CACNA1A: variants seen among roughly 807,000 people sequenced by gnomAD.
The protein encoded by CACNA1A is calcium voltage-gated channel subunit alpha1 A.
Under a neutral mutation model 262.4 loss-of-function variants are expected in CACNA1A, and 57 were observed. That is an observed-to-expected ratio of 0.22 (90% CI 0.18 to 0.27). The LOEUF (loss-of-function observed/expected upper bound fraction) is 0.27, where lower values mean the gene tolerates loss of function less well. Ranked by LOEUF, CACNA1A falls within the 10% of genes least tolerant of loss-of-function variation. The probability of loss-of-function intolerance (pLI) is 1.00; values close to 1 mark genes in which losing one functional copy is unlikely to be tolerated. For synonymous variants in CACNA1A, 1,431 were observed against 1,419.3 expected, an observed-to-expected ratio of 1.01 and a Z score of -0.18; for missense variants, 2,526 against 3,562.8, an observed-to-expected ratio of 0.71 and a Z score of 7.41.
chr19:13,428,569 G>A (rs1029498826), intron 3 of CACNA1A, among the ~76,000 whole-genome samples: 2 of 152,082 alleles, frequency 1.3e-5, no homozygotes, highest in African/African-American at 4.8e-5. Context: ...CATATTACAC[G>A]GATCATCTCC....
intron 4 of CACNA1A, 118 bp downstream of exon 4, chr19:13,371,570 A>T: frequency 1.4e-6 from 1 of 712,178 alleles, no homozygotes; most frequent in Non-Finnish European, 2.4e-6. Flanking sequence ...CAAAGAAGAG[A>T]CTGCCCTCAC....
chr19:13,241,777 C>T lies in CACNA1A; in HGVS notation c.4950+3405G>A, dbSNP rs2056088788. Among the ~76,000 whole-genome samples, 1 of 152,034 alleles carries T rather than the reference C, an allele frequency of 6.6e-6. No individual in the cohort carries two copies. The highest frequency in any genetic ancestry group is 1.5e-5 in the Non-Finnish European group (1 of 68,008). ...TTGATTGGATGAGTTTTTCAGACGG[C>T]GTTGCGCCAATATACAGTTTTAAGA... On this transcript the variant is annotated intron_variant, in intron 31 of 46. Transcript: ENST00000360228. The surrounding 1 kb of genome is among the most constrained non-coding windows in gnomAD (Gnocchi z 4.0).
intron 1 of CACNA1A, among the ~76,000 whole-genome samples, chr19:13,461,315 G>A (rs961857072): frequency 6.6e-6 from 1 of 151,598 alleles, no homozygotes. Context: ...ACTCCAGCCT[G>A]GACAACAGAA....
At chr19:13,304,782 C>T (rs946893032) in intron 15 of CACNA1A, among the ~76,000 whole-genome samples, 3 of 151,898 alleles carry the variant, frequency 2.0e-5, no homozygotes, top group Non-Finnish European at 4.4e-5. Flanking sequence ...TCACCAGGAA[C>T]TAACTAACCC....
At chr19:13,410,887 G>A (rs748084655) in intron 3 of CACNA1A, among the ~76,000 whole-genome samples, 4 of 152,110 alleles carry the variant, frequency 2.6e-5, no homozygotes, top group African/African-American at 7.2e-5. Flanking sequence ...CTCCAATTCA[G>A]TCTTCTCTGC....
chr19:13,493,315 G>A (rs183987255), intron 1 of CACNA1A, among the ~76,000 whole-genome samples: 33 of 152,280 alleles, frequency 2.2e-4, no homozygotes, highest in Non-Finnish European at 2.5e-4. Context: ...CTCAACCTTG[G>A]TATTACTGAC....
intron 1 of CACNA1A, among the ~76,000 whole-genome samples, chr19:13,482,953 A>T (rs1405474155): frequency 7.0e-6 from 1 of 143,786 alleles, no homozygotes; most frequent in Non-Finnish European, 1.5e-5. Context: ...CTCCTTCTCT[A>T]TTTCAGTAAG....
At chr19:13,409,533 A>G (rs2144730994) in intron 3 of CACNA1A, among the ~76,000 whole-genome samples, 1 of 152,162 alleles carries the variant, frequency 6.6e-6, no homozygotes, top group Non-Finnish European at 1.5e-5. Flanking sequence ...TCAAATAATA[A>G]TAAGAAGAAG....
intron 36 of CACNA1A, chr19:13,228,849 T>C (rs1451050401): frequency 9.7e-7 from 1 of 1,029,106 alleles, no homozygotes; most frequent in Non-Finnish European, 1.5e-6. Context: ...ACGGGCTCCC[T>C]GGGCACACAG....
chr19:13,216,548 G>A (rs1249489226), intron 38 of CACNA1A, among the ~76,000 whole-genome samples: 3 of 151,700 alleles, frequency 2.0e-5, no homozygotes, highest in African/African-American at 7.3e-5. Flanking sequence ...GGCTGGTCTC[G>A]AACTCCTGAC....
chr19:13,241,559 G>T lies in CACNA1A; in HGVS notation c.4950+3623C>A. 8.3e-7 allele frequency: 1 copy of T among 1,204,682 alleles called. No individual in the cohort carries two copies. The highest frequency in any genetic ancestry group is 1.3e-5 in the South Asian group (1 of 77,560). 74.6% of individuals were successfully genotyped at this position (1,204,682 alleles called of 1,614,324 possible). Reference sequence around the variant, plus strand: ...CAGATGTTGAAGATGAGGGGGAGCGGGCGGGCGGGGGCAGTTGGGGAGGCG... The same window carrying T: ...CAGATGTTGAAGATGAGGGGGAGCGTGCGGGCGGGGGCAGTTGGGGAGGCG... On this transcript the variant is annotated intron_variant, in intron 31 of 46. Coordinates refer to ENST00000360228, the MANE Select transcript of CACNA1A (RefSeq NM_001127222.2). This position sits in a 1 kb window ranked among gnomAD's most constrained non-coding sequence, Gnocchi z 4.0.
chr19:13,467,827 A>T (rs541062937), intron 1 of CACNA1A, among the ~76,000 whole-genome samples: 1 of 151,352 alleles, frequency 6.6e-6, no homozygotes, highest in South Asian at 2.1e-4. Flanking sequence ...CTAGTCTCGA[A>T]CTCCTGACCT....
chr19:13,268,158 T>C (rs2056912209), intron 24 of CACNA1A, among the ~76,000 whole-genome samples: 1 of 152,090 alleles, frequency 6.6e-6, no homozygotes, highest in African/African-American at 2.4e-5. Flanking sequence ...CTTTGCTCTT[T>C]ATGAAGGAGG....
intron 1 of CACNA1A, among the ~76,000 whole-genome samples, chr19:13,470,087 T>A (rs573571043): frequency 6.6e-6 from 1 of 152,236 alleles, no homozygotes; most frequent in Non-Finnish European, 1.5e-5. Context: ...GCATCCTATA[T>A]CAGAGAAGAC....
At chr19:13,263,677 T>C (rs2056794040) in intron 24 of CACNA1A, among the ~76,000 whole-genome samples, 1 of 152,112 alleles carries the variant, frequency 6.6e-6, no homozygotes, top group South Asian at 2.1e-4. Flanking sequence ...CGTGCCACCA[T>C]GCCCAGCTAA....
intron 1 of CACNA1A, among the ~76,000 whole-genome samples, chr19:13,459,715 G>A (rs1457297982): frequency 6.6e-6 from 1 of 152,180 alleles, no homozygotes; most frequent in Non-Finnish European, 1.5e-5. Flanking sequence ...TGCCAACTCA[G>A]CCTCCTTACA....
chr19:13,398,324 ATTG>A (rs1018635386), intron 3 of CACNA1A, among the ~76,000 whole-genome samples: 3 of 152,024 alleles, frequency 2.0e-5, no homozygotes, highest in African/African-American at 7.2e-5. Flanking sequence ...CGAAATTTTT[ATTG>A]TTTTGAGCCC....
intron 35 of CACNA1A, 99 bp downstream of exon 35, chr19:13,231,611 C>G: frequency 7.8e-7 from 1 of 1,283,492 alleles, no homozygotes; most frequent in Non-Finnish European, 1.1e-6. Flanking sequence ...TTGGAGGGAA[C>G]AAGCCTTCGA....
At chr19:13,335,679 A>G in intron 7 of CACNA1A, 127 bp downstream of exon 7, 1 of 700,418 alleles carries the variant, frequency 1.4e-6, no homozygotes, top group South Asian at 1.7e-5. Flanking sequence ...ACAGTCTGGT[A>G]ACCCAAACAA....
Sources: gnomAD v4.1 joint callset for allele counts (sites outside exome capture counted in the v4.1 genomes callset) on GRCh38, gnomAD v4.1.1 for gene constraint, Gnocchi (gnomAD v3.1) non-coding constraint, MANE v1.5 for transcripts, NCBI Gene and HGNC (gene_info 2026-07-23, HGNC 2026-07-21) for gene names.